Variants in HECW2 observed in about 807,000 individuals in gnomAD.
HECW2 encodes the protein E3 ubiquitin-protein ligase HECW2.
In HECW2, 61 loss-of-function variants were observed where a neutral mutation model predicts 175.2. The ratio of observed to expected loss-of-function variants is 0.35; its 90% CI spans 0.28 to 0.43. The LOEUF (loss-of-function observed/expected upper bound fraction) is 0.43. Among genes scored for constraint, HECW2 ranks in the 20% least tolerant of loss-of-function variants. The pLI, the probability that HECW2 is intolerant of heterozygous loss-of-function variation, is 1.00. For missense variants in HECW2, 1,524 were observed against 2,000.5 expected (o/e 0.76, Z 4.54); for synonymous variants, 671 against 731.0 (o/e 0.92, Z 1.32).
intron 1 of HECW2, among the ~76,000 whole-genome samples, chr2:196,559,001 G>A (rs1419172535): frequency 6.6e-6 from 1 of 152,144 alleles, no homozygotes; most frequent in Non-Finnish European, 1.5e-5. Context: ...TCTCATTAGA[G>A]TCTCACAACA....
intron 1 of HECW2, among the ~76,000 whole-genome samples, chr2:196,587,782 A>G (rs1252349255): frequency 6.6e-6 from 1 of 152,208 alleles, no homozygotes; most frequent in Non-Finnish European, 1.5e-5. Flanking sequence ...AATAAGTTTT[A>G]AGAACATAAG....
chr2:196,495,255 A>G (rs1285725721), intron 1 of HECW2, among the ~76,000 whole-genome samples: 1 of 151,536 alleles, frequency 6.6e-6, no homozygotes, highest in Non-Finnish European at 1.5e-5. Flanking sequence ...TTTAGTAGAG[A>G]TGGGGTTTCA....
At chr2:196,565,463 T>G (rs182179200) in intron 1 of HECW2, among the ~76,000 whole-genome samples, 2 of 152,346 alleles carry the variant, frequency 1.3e-5, no homozygotes, top group East Asian at 3.9e-4. Context: ...TTCCCATATG[T>G]CCTTTGAAAG....
chr2:196,254,178 AC>A (rs1688962563), intron 18 of HECW2, 149 bp from the exon 19 acceptor site: 14 of 1,312,932 alleles, frequency 1.1e-5, no homozygotes, highest in Non-Finnish European at 1.4e-5. Context: ...AATTCTTGGT[AC>A]AAAATGGCTG....
At chr2:196,313,407 C>T (rs1371999197) in intron 10 of HECW2, among the ~76,000 whole-genome samples, 1 of 152,144 alleles carries the variant, frequency 6.6e-6, no homozygotes, top group Non-Finnish European at 1.5e-5. Context: ...TAATTGAGTC[C>T]AAGCTACTTC....
chr2:196,338,366 A>C (rs552113973), intron 3 of HECW2, among the ~76,000 whole-genome samples: 1 of 152,346 alleles, frequency 6.6e-6, no homozygotes, highest in East Asian at 1.9e-4. Context: ...AGGGTGGGAA[A>C]ACTGGCAATT....
Position 196,319,087 on chromosome 2 carries a change from G to A in HECW2, c.1803C>T (p.Leu601=), listed in dbSNP as rs754616780. 2.5e-6 allele frequency: 4 copies of A among 1,603,806 alleles called. No homozygotes were observed. Among genetic ancestry groups the A allele is most frequent in the African/African-American group, 1.3e-5 (1 of 74,594 alleles). ...SRRAVSETES[L]DQGSEPSQVS... Reference sequence around the variant, plus strand: ...CCTGGGAAGGCTCAGAGCCCTGATCGAGAGACTCGGTCTCACTGACGGCTC... The same window carrying A: ...CCTGGGAAGGCTCAGAGCCCTGATCAAGAGACTCGGTCTCACTGACGGCTC... The change falls in exon 9 of 29, where the codon CTC becomes CTT. Residue 601 remains leucine, a synonymous_variant. Coordinates refer to ENST00000644978, the MANE Select transcript of HECW2 (RefSeq NM_001348768.2).
chr2:196,273,554 G>C (rs1689827912), intron 16 of HECW2, among the ~76,000 whole-genome samples: 1 of 152,060 alleles, frequency 6.6e-6, no homozygotes, highest in African/African-American at 2.4e-5. Context: ...TACTATTTTA[G>C]AGGTTCTTGC....
intron 2 of HECW2, among the ~76,000 whole-genome samples, chr2:196,379,684 CAAAAAAAAAAAAAAAAAAACA>C (rs1284568780): frequency 3.5e-5 from 1 of 28,260 alleles, no homozygotes; most frequent in East Asian, 1.4e-3. Context: ...TACTCCGTCT[CAAAAAAAAAAAAAAAAAAACA>C]AAAAGATTAT....
At chr2:196,395,003 T>A (rs1694619868) in intron 2 of HECW2, among the ~76,000 whole-genome samples, 1 of 152,178 alleles carries the variant, frequency 6.6e-6, no homozygotes, top group South Asian at 2.1e-4. Flanking sequence ...GCCCACTTGG[T>A]AGAAGGGGCC....
intron 2 of HECW2, among the ~76,000 whole-genome samples, chr2:196,384,476 T>C (rs1368566925): frequency 6.6e-6 from 1 of 151,954 alleles, no homozygotes; most frequent in African/African-American, 2.4e-5. Context: ...CAGATACTCA[T>C]GAGGCTGAAG....
At chr2:196,428,339 C>T (rs936078642) in intron 2 of HECW2, among the ~76,000 whole-genome samples, 1 of 152,120 alleles carries the variant, frequency 6.6e-6, no homozygotes, top group Non-Finnish European at 1.5e-5. Flanking sequence ...GCTATTGTTA[C>T]GAAACCTGGA....
chr2:196,388,749 CAAGAT>C (rs1694422884), intron 2 of HECW2, among the ~76,000 whole-genome samples: 2 of 152,190 alleles, frequency 1.3e-5, no homozygotes, highest in African/African-American at 4.8e-5. Flanking sequence ...CCTAGAAAAA[CAAGAT>C]AAGAGGCAAA....
chr2:196,366,280 C>T (rs1693740824), intron 2 of HECW2, among the ~76,000 whole-genome samples: 1 of 152,072 alleles, frequency 6.6e-6, no homozygotes, highest in African/African-American at 2.4e-5. Flanking sequence ...TTGTTACTTT[C>T]TTAAAGTTTT....
At chr2:196,317,250 C>A (rs369369235) in intron 10 of HECW2, 24 bp downstream of exon 10, 3 of 1,552,558 alleles carry the variant, frequency 1.9e-6, no homozygotes, top group Non-Finnish European at 2.7e-6. Flanking sequence ...TTAAGGTGGG[C>A]CCTTTTAACT....
intron 3 of HECW2, among the ~76,000 whole-genome samples, chr2:196,340,965 C>T (rs1222827567): frequency 1.3e-5 from 2 of 151,854 alleles, no homozygotes; most frequent in African/African-American, 4.8e-5. Flanking sequence ...TCTTCATTCC[C>T]AACTCCTAGT....
intron 13 of HECW2, among the ~76,000 whole-genome samples, chr2:196,303,862 T>C (rs1461138596): frequency 6.6e-6 from 1 of 152,140 alleles, no homozygotes; most frequent in Non-Finnish European, 1.5e-5. Flanking sequence ...TCCTATCCCA[T>C]ATTCCAATCT....
At chr2:196,585,545 C>G (rs1690943704) in intron 1 of HECW2, among the ~76,000 whole-genome samples, 1 of 152,212 alleles carries the variant, frequency 6.6e-6, no homozygotes, top group South Asian at 2.1e-4. Context: ...AACTTCCCTT[C>G]CCTAGGGGCT....
intron 1 of HECW2, among the ~76,000 whole-genome samples, chr2:196,471,141 C>T (rs1043406357): frequency 6.6e-6 from 1 of 152,060 alleles, no homozygotes; most frequent in Admixed American, 6.6e-5. Context: ...AGCAATTCTA[C>T]TCCTAAGTAT....
Sources: allele counts gnomAD v4.1 joint callset (sites outside exome capture counted in the v4.1 genomes callset), GRCh38; gene constraint gnomAD v4.1.1; transcripts MANE v1.5; gene names NCBI Gene and HGNC (gene_info 2026-07-23, HGNC 2026-07-21).